PTCHD4: variants seen among roughly 807,000 people sequenced by gnomAD.
The protein encoded by PTCHD4 is patched domain containing 4.
Under a neutral mutation model 58.1 loss-of-function variants are expected in PTCHD4, and 33 were observed. That is an observed-to-expected ratio of 0.57 (90% CI 0.43 to 0.76). The LOEUF is 0.76. Among genes scored for constraint, PTCHD4 ranks in the 30% least tolerant of loss-of-function variants. PTCHD4 has a pLI of 0.00. For synonymous variants in PTCHD4, 478 were observed against 409.6 expected, an observed-to-expected ratio of 1.17 and a Z score of -2.02; for missense variants, 1,058 against 1,027.1, an observed-to-expected ratio of 1.03 and a Z score of -0.41.
intron 4 of PTCHD4, among the ~76,000 whole-genome samples, chr6:47,916,147 G>C (rs1561955566): frequency 6.6e-6 from 1 of 152,188 alleles, no homozygotes; most frequent in East Asian, 1.9e-4. Flanking sequence ...AGTGAGAAGG[G>C]ACTGTGCAGT....
At chr6:48,048,257 T>C (rs332555) in intron 3 of PTCHD4, among the ~76,000 whole-genome samples, 131,501 of 151,854 alleles carry the variant, frequency 0.87, 56,917 homozygotes, top group Middle Eastern at 0.87. Flanking sequence ...AGAATAGAAA[T>C]TTTAATGAGA....
intron 3 of PTCHD4, among the ~76,000 whole-genome samples, chr6:48,052,356 A>G (rs896697910): frequency 2.6e-5 from 4 of 151,970 alleles, no homozygotes; most frequent in Non-Finnish European, 5.9e-5. Flanking sequence ...TTTAAGAAAA[A>G]AAAAAGGAAT....
chr6:48,036,312 G>A (rs1324516532), intron 3 of PTCHD4, among the ~76,000 whole-genome samples: 1 of 152,146 alleles, frequency 6.6e-6, no homozygotes, highest in Non-Finnish European at 1.5e-5. Context: ...GTGCTCAGGT[G>A]AGGGAGCAGA....
At chr6:48,091,992 TAC>T (rs1021104279) in intron 1 of PTCHD4, among the ~76,000 whole-genome samples, 67 of 146,018 alleles carry the variant, frequency 4.6e-4, no homozygotes, top group Middle Eastern at 3.5e-3. Context: ...CACATACACA[TAC>T]ACACACACAC....
intron 1 of PTCHD4, among the ~76,000 whole-genome samples, chr6:48,105,860 T>C (rs976069600): frequency 6.6e-6 from 1 of 152,088 alleles, no homozygotes; most frequent in Non-Finnish European, 1.5e-5. Context: ...AAGAAATGGA[T>C]AAATTCCTTG....
chr6:47,881,892 A>G (rs2114103200), intron 4 of PTCHD4, among the ~76,000 whole-genome samples: 1 of 152,240 alleles, frequency 6.6e-6, no homozygotes, highest in Non-Finnish European at 1.5e-5. Context: ...TTATCATAAC[A>G]AGTAGAAAGG....
intron 4 of PTCHD4, among the ~76,000 whole-genome samples, chr6:47,975,480 T>C (rs1246498960): frequency 3.3e-5 from 5 of 152,202 alleles, no homozygotes; most frequent in Non-Finnish European, 5.9e-5. Flanking sequence ...ATGTGTGGCA[T>C]GGTGGTTTGC....
chr6:47,914,853 A>G (rs1561954728), intron 4 of PTCHD4, among the ~76,000 whole-genome samples: 1 of 151,834 alleles, frequency 6.6e-6, no homozygotes, highest in Non-Finnish European at 1.5e-5. Context: ...CAGTCAAGTA[A>G]ATCAATAAAG....
chr6:47,911,742 C>G lies in PTCHD4; in HGVS notation c.899-31806G>C, dbSNP rs555625120. Among the ~76,000 whole-genome samples the G allele has an allele frequency of 2.0e-5, 3 of 152,124 alleles. No homozygotes were observed. In the South Asian group the frequency reaches 6.2e-4, roughly 32 times the overall value. On this transcript the variant is annotated intron_variant, in intron 4 of 4. Transcript: ENST00000339488. ...AGAGTAGACATCTACATTCTGATGT[C>G]AAGTAGGCATTTAAACATGTGTGTC...
chr6:48,101,269 G>A (rs758255374), intron 1 of PTCHD4, among the ~76,000 whole-genome samples: 1 of 152,108 alleles, frequency 6.6e-6, no homozygotes, highest in Non-Finnish European at 1.5e-5. Flanking sequence ...TCAATGTGAA[G>A]ATCAATTATT....
At chr6:47,984,235 G>A (rs895813311) in intron 4 of PTCHD4, among the ~76,000 whole-genome samples, 12 of 152,096 alleles carry the variant, frequency 7.9e-5, no homozygotes, top group African/African-American at 2.9e-4. Flanking sequence ...ACCTGAAACT[G>A]GGTAATTTAT....
At chr6:47,888,431 C>A (rs1303700607) in intron 4 of PTCHD4, among the ~76,000 whole-genome samples, 1 of 152,128 alleles carries the variant, frequency 6.6e-6, no homozygotes, top group Non-Finnish European at 1.5e-5. Flanking sequence ...CATGAACAGA[C>A]ACTCAGTCCT....
At position 47,878,163 on chromosome 6, in the gene PTCHD4, G is replaced by T; in HGVS notation, c.*140C>A. On this transcript the variant is annotated 3_prime_UTR_variant, in exon 5 of 5. Transcript: ENST00000339488. ...CTTCCCCCCAAGAAGCAGGCACCTT[G>T]AAGTGTCATGAATAATGCACTCTTG... is the stretch of plus-strand genomic sequence containing the variant. The T allele has an allele frequency of 1.5e-6, 1 of 645,522 alleles. No homozygotes were observed. The highest frequency in any genetic ancestry group is 2.6e-6 in the Non-Finnish European group (1 of 390,194). The allele number at this position is 645,522 out of a possible 1,614,324, so 40.0% of individuals were successfully genotyped here.
chr6:48,000,984 A>G (rs112336871), intron 4 of PTCHD4, among the ~76,000 whole-genome samples: 4 of 152,232 alleles, frequency 2.6e-5, no homozygotes, highest in Admixed American at 2.0e-4. Flanking sequence ...GAGCCAAATC[A>G]TGAGTGAACT....
At chr6:48,022,178 C>T (rs1474143522) in intron 3 of PTCHD4, among the ~76,000 whole-genome samples, 1 of 151,576 alleles carries the variant, frequency 6.6e-6, no homozygotes, top group East Asian at 1.9e-4. Flanking sequence ...TTCTCCCTCT[C>T]CTCTTCTTTC....
chr6:47,877,185 G>A lies in PTCHD4; in HGVS notation c.*1118C>T, dbSNP rs148554276. Among the ~76,000 whole-genome samples, 38 of 152,056 alleles carry A rather than the reference G, an allele frequency of 2.5e-4. 1 individual carries two copies. The highest frequency in any genetic ancestry group is 8.4e-4 in the African/African-American group (35 of 41,518). On this transcript the variant is annotated 3_prime_UTR_variant, in exon 5 of 5. Coordinates refer to ENST00000339488, the MANE Select transcript of PTCHD4 (RefSeq NM_001384253.1). ...TCCATTTTATTCTATTTCACTCTAC[G>A]AGTTTCCTAGTTATGTCTCCTTTCT...
intron 4 of PTCHD4, among the ~76,000 whole-genome samples, chr6:47,908,348 G>C (rs1764965731): frequency 1.3e-5 from 2 of 152,078 alleles, no homozygotes; most frequent in South Asian, 4.1e-4. Flanking sequence ...TCACCCTCCA[G>C]CTCTTGCCCA....
At chr6:48,053,042 T>C (rs1764288773) in intron 3 of PTCHD4, among the ~76,000 whole-genome samples, 1 of 152,146 alleles carries the variant, frequency 6.6e-6, no homozygotes, top group African/African-American at 2.4e-5. Flanking sequence ...GCTTTTCCTC[T>C]AATTGATATT....
chr6:47,985,886 T>C (rs1021169998), intron 4 of PTCHD4, among the ~76,000 whole-genome samples: 1 of 152,034 alleles, frequency 6.6e-6, no homozygotes, highest in East Asian at 1.9e-4. Flanking sequence ...AACATCTAAA[T>C]TATTTTTGAA....
Sources: allele counts gnomAD v4.1 joint callset (sites outside exome capture counted in the v4.1 genomes callset), GRCh38; gene constraint gnomAD v4.1.1; transcripts MANE v1.5; gene names NCBI Gene and HGNC (gene_info 2026-07-23, HGNC 2026-07-21).